CLIC5: variants seen among roughly 807,000 people sequenced by gnomAD.
The protein encoded by CLIC5 is CLIC family member 5, also known as chloride intracellular channel protein 5.
CLIC5 carries 20 observed loss-of-function variants against 24.7 expected under a neutral mutation model. That is an observed-to-expected ratio of 0.81 (90% CI 0.57 to 1.18). The LOEUF (loss-of-function observed/expected upper bound fraction) is 1.18, where lower values mean the gene tolerates loss of function less well. CLIC5 is among the 50% of genes most tolerant of loss of function. The pLI is 0.00. For missense variants in CLIC5, 341 were observed against 326.1 expected (o/e 1.05, Z -0.35); for synonymous variants, 159 against 135.6 (o/e 1.17, Z -1.20).
chr6:46,045,395 G>A (rs991127434), intron 1 of CLIC5, among the ~76,000 whole-genome samples: 3 of 151,914 alleles, frequency 2.0e-5, no homozygotes, highest in Non-Finnish European at 4.4e-5. Flanking sequence ...CTTTTGCAAT[G>A]TGGGAACTGC....
At chr6:45,935,588 G>A (rs1488111769) in intron 4 of CLIC5, among the ~76,000 whole-genome samples, 1 of 152,132 alleles carries the variant, frequency 6.6e-6, no homozygotes, top group East Asian at 1.9e-4. Flanking sequence ...GTGAATGTGG[G>A]GCTCAGAGGA....
intron 1 of CLIC5, among the ~76,000 whole-genome samples, chr6:45,963,534 C>A (rs1388758946): frequency 6.6e-6 from 1 of 152,148 alleles, no homozygotes; most frequent in Non-Finnish European, 1.5e-5. Context: ...CAGCTCACCA[C>A]TCTTCTCCTC....
At chr6:46,075,197 G>A (rs916313225) in intron 1 of CLIC5, among the ~76,000 whole-genome samples, 3 of 152,132 alleles carry the variant, frequency 2.0e-5, no homozygotes, top group Non-Finnish European at 4.4e-5. Context: ...AGGAAATTGA[G>A]GCTGAGAGAA....
At chr6:46,026,503 G>C (rs1767336145) in intron 1 of CLIC5, among the ~76,000 whole-genome samples, 1 of 152,138 alleles carries the variant, frequency 6.6e-6, no homozygotes, top group South Asian at 2.1e-4. Flanking sequence ...TTACTCAACT[G>C]TGCAATCTTT....
chr6:46,010,287 A>G (rs554567828), intron 1 of CLIC5, among the ~76,000 whole-genome samples: 11 of 152,284 alleles, frequency 7.2e-5, no homozygotes, highest in Non-Finnish European at 1.6e-4. Flanking sequence ...AGAAAGACTT[A>G]CTAATAGGCC....
At chr6:46,106,525 A>G in the CLIC5 span, among the ~76,000 whole-genome samples, 7 of 152,204 alleles carry the variant, frequency 4.6e-5, no homozygotes, top group Non-Finnish European at 1.5e-5. Context: ...TTTGTTAATG[A>G]GCTTTGCCCT....
chr6:45,894,347 A>G (rs1378220955), downstream of CLIC5, among the ~76,000 whole-genome samples: 2 of 152,220 alleles, frequency 1.3e-5, no homozygotes, highest in Non-Finnish European at 2.9e-5. Flanking sequence ...CCAGAAATCT[A>G]TTCTAAGGGA....
In CLIC5 at chr6:45,960,281, A is replaced by C. The variant is rs547937154; in HGVS notation, c.64-5037T>G. On this transcript the variant is annotated intron_variant, in intron 1 of 5. Coordinates refer to ENST00000339561, the MANE Select transcript of CLIC5 (RefSeq NM_016929.5). ...TCATTCAGAGAGGATCCAAGAAGGAATTATAGAAAGTGACCAGATGACATT... is the reference window on the plus strand; with the variant it reads ...TCATTCAGAGAGGATCCAAGAAGGACTTATAGAAAGTGACCAGATGACATT... Among the ~76,000 whole-genome samples the C allele has an allele frequency of 5.3e-5, 8 of 152,344 alleles. 1 individual carries two copies. The South Asian group carries it at 1.7e-3, about 32-fold the overall frequency.
At chr6:46,050,798 G>T (rs1478394996) in intron 1 of CLIC5, among the ~76,000 whole-genome samples, 4 of 151,918 alleles carry the variant, frequency 2.6e-5, no homozygotes, top group Non-Finnish European at 5.9e-5. Flanking sequence ...TTAAGGTCAA[G>T]AAACTACCCT....
intron 1 of CLIC5, among the ~76,000 whole-genome samples, chr6:46,028,720 T>G (rs1194598324): frequency 6.6e-6 from 1 of 152,158 alleles, no homozygotes; most frequent in African/African-American, 2.4e-5. Context: ...ACACCCTGCC[T>G]CCACACATGC....
chr6:45,926,580 G>A (rs190950816), intron 4 of CLIC5, among the ~76,000 whole-genome samples: 1 of 152,104 alleles, frequency 6.6e-6, no homozygotes, highest in East Asian at 1.9e-4. Flanking sequence ...TATTTACCTT[G>A]ATCCAGATCA....
At chr6:46,114,141 G>A in the CLIC5 span, among the ~76,000 whole-genome samples, 4 of 152,180 alleles carry the variant, frequency 2.6e-5, no homozygotes, top group Non-Finnish European at 1.5e-5. Flanking sequence ...AGCCCCAAGA[G>A]CTCTACATTG....
intron 5 of CLIC5, among the ~76,000 whole-genome samples, chr6:45,905,766 T>A (rs1226970908): frequency 1.3e-5 from 2 of 152,166 alleles, no homozygotes; most frequent in Non-Finnish European, 2.9e-5. Context: ...TTGTTGCAAT[T>A]GCTTTTGTAA....
the CLIC5 span, among the ~76,000 whole-genome samples, chr6:46,115,893 G>A: frequency 9.2e-5 from 14 of 152,290 alleles, no homozygotes; most frequent in East Asian, 3.9e-4. Flanking sequence ...AGAGGGAACC[G>A]GTATCTTCAG....
intron 3 of CLIC5, among the ~76,000 whole-genome samples, chr6:45,947,730 C>T (rs749097735): frequency 3.3e-5 from 5 of 151,958 alleles, no homozygotes; most frequent in African/African-American, 4.8e-5. Context: ...AGGTTGAGTC[C>T]CGGGGAGGGG....
intron 1 of CLIC5, among the ~76,000 whole-genome samples, chr6:45,959,723 G>A (rs1015623771): frequency 1.3e-5 from 2 of 152,170 alleles, no homozygotes; most frequent in African/African-American, 2.4e-5. Flanking sequence ...TAGTGAGGGA[G>A]GCAGCTGGTT....
intron 1 of CLIC5, among the ~76,000 whole-genome samples, chr6:46,042,243 A>C (rs889983444): frequency 1.1e-4 from 17 of 152,242 alleles, no homozygotes; most frequent in African/African-American, 4.1e-4. Context: ...TTTCTTAACT[A>C]TTTCAATGAA....
At chr6:45,893,466 C>T (rs754046457), downstream of CLIC5, among the ~76,000 whole-genome samples, 3 of 152,110 alleles carry the variant, frequency 2.0e-5, no homozygotes, top group Non-Finnish European at 4.4e-5. Context: ...CAGTACTTTG[C>T]AGACCATTTT....
Position 46,006,127 on chromosome 6 carries a change from C to CATATAT in CLIC5, c.63+9347_63+9352dup, listed in dbSNP as rs58643121. On this transcript the variant is annotated intron_variant, in intron 1 of 5. Transcript: ENST00000339561. ...ATATATATATACACATGTATAAATA[C>CATATAT]ATATATATATATATATATATATATA... Among the ~76,000 whole-genome samples the CATATAT allele has an allele frequency of 7.8e-3, 274 of 35,104 alleles. 7 individuals carry two copies. The highest frequency in any genetic ancestry group is 0.027 in the South Asian group (18 of 670). 23.0% of individuals were successfully genotyped at this position (35,104 alleles called of 152,430 possible).
Sources: gnomAD v4.1 joint callset for allele counts (sites outside exome capture counted in the v4.1 genomes callset) on GRCh38, gnomAD v4.1.1 for gene constraint, MANE v1.5 for transcripts, NCBI Gene and HGNC (gene_info 2026-07-23, HGNC 2026-07-21) for gene names.